The following TMEM63A variants were observed in gnomAD, a reference collection of about 807,000 sequenced individuals.
TMEM63A encodes the protein mechanosensitive cation channel TMEM63A.
In TMEM63A, 76 loss-of-function variants were observed where a neutral mutation model predicts 100.6. The observed-to-expected ratio is 0.76, with a 90% CI of 0.63 to 0.91. The LOEUF is 0.91. Among genes scored for constraint, TMEM63A ranks in the 40% least tolerant of loss-of-function variants. The pLI, the probability that TMEM63A is intolerant of heterozygous loss-of-function variation, is 0.00. For missense variants in TMEM63A, 876 were observed against 1,008.8 expected (o/e 0.87, Z 1.78); for synonymous variants, 401 against 401.1 (o/e 1.00, Z 0.00).
chr1:225,858,469 C>T lies in TMEM63A; in HGVS notation c.1377+727G>A, dbSNP rs373080688. Reference sequence around the variant, plus strand: ...CCTCCTGACTATCTGGGATTATAAGCGCCCACCAACACGCCCAGCTAATTT... The same window carrying T: ...CCTCCTGACTATCTGGGATTATAAGTGCCCACCAACACGCCCAGCTAATTT... On this transcript the variant is annotated intron_variant, in intron 15 of 24. Coordinates refer to ENST00000366835, the MANE Select transcript of TMEM63A (RefSeq NM_014698.3). Among the ~76,000 whole-genome samples the T allele has an allele frequency of 7.2e-5, 11 of 151,968 alleles. No individual in the cohort carries two copies. The East Asian group carries it at 1.7e-3, about 24-fold the overall frequency.
chr1:225,867,246 G>A lies in TMEM63A; in HGVS notation c.515-83C>T. The A allele has an allele frequency of 7.2e-7, 1 of 1,384,470 alleles. No individual in the cohort carries two copies. Among genetic ancestry groups the A allele is most frequent in the Admixed American group, 1.7e-5 (1 of 59,734 alleles). The allele number at this position is 1,384,470 out of a possible 1,614,324, so 85.8% of individuals were successfully genotyped here. On this transcript the variant is annotated intron_variant, in intron 7 of 24. Coordinates refer to ENST00000366835, the MANE Select transcript of TMEM63A (RefSeq NM_014698.3). The surrounding 1 kb of genome is among the most constrained non-coding windows in gnomAD (Gnocchi z 4.6). ...TAACCAATCAGCCTTGGTTTGTGGAGCTCTGGGGAGGAGGAGCATGTCTGG... is the reference window on the plus strand; with the variant it reads ...TAACCAATCAGCCTTGGTTTGTGGAACTCTGGGGAGGAGGAGCATGTCTGG...
At position 225,856,617 on chromosome 1, in the gene TMEM63A, A is replaced by G. The variant is rs768030421; in HGVS notation, c.1571+35T>C. The G allele has an allele frequency of 3.1e-6, 5 of 1,607,144 alleles. No individual in the cohort carries two copies. In the South Asian group the frequency reaches 5.5e-5, roughly 18 times the overall value. On this transcript the variant is annotated intron_variant, in intron 17 of 24. Coordinates refer to ENST00000366835, the MANE Select transcript of TMEM63A (RefSeq NM_014698.3). ...ACAGTGCTCTCCTGATGTGACTCTTATTCTGAATTTAGAGCAGAAGGTGGT... is the reference window on the plus strand; with the variant it reads ...ACAGTGCTCTCCTGATGTGACTCTTGTTCTGAATTTAGAGCAGAAGGTGGT...
chr1:225,840,801 AC>A (rs1353123948), downstream of TMEM63A: 1 of 152,422 alleles, frequency 6.6e-6, no homozygotes, highest in African/African-American at 2.4e-5. Context: ...TGTCCAGAAG[AC>A]ACCCAGGAAT....
rs558624523 is a variant in TMEM63A at position 225,867,045 on chromosome 1, G to A, written c.566+67C>T. On this transcript the variant is annotated intron_variant, in intron 8 of 24. Coordinates refer to ENST00000366835, the MANE Select transcript of TMEM63A (RefSeq NM_014698.3). The surrounding 1 kb of genome is among the most constrained non-coding windows in gnomAD (Gnocchi z 4.6). Reference sequence around the variant, plus strand: ...CTTTGGAGTACCTCTGGCCTGCCCCGGGCTCCTGACCTGCCTTCTCCTTGA... The same window carrying A: ...CTTTGGAGTACCTCTGGCCTGCCCCAGGCTCCTGACCTGCCTTCTCCTTGA... 114 of 1,566,916 alleles carry A rather than the reference G, an allele frequency of 7.3e-5. No homozygotes were observed. Among genetic ancestry groups the A allele is most frequent in the African/African-American group, 3.8e-4 (28 of 73,780 alleles).
chr1:225,862,851 C>A lies in TMEM63A; in HGVS notation c.747G>T (p.Arg249=), dbSNP rs935974224. Residue 249 remains arginine (R), a splice_region_variant and synonymous_variant, in exon 11 of 25, where the codon CGG becomes CGT. Coordinates refer to ENST00000366835, the MANE Select transcript of TMEM63A (RefSeq NM_014698.3). This position sits in a 1 kb window ranked among gnomAD's most constrained non-coding sequence, Gnocchi z 5.1. ...CCACCTCACACGTGGGATACGCGTC[C>A]CTGTGGCCAGGGAGAGAAGGAGGCA... ...ARKETVESHF[R]DAYPTCEVVD... 3 of 1,613,710 alleles carry A rather than the reference C, an allele frequency of 1.9e-6. No homozygotes were observed. The highest frequency in any genetic ancestry group is 2.5e-6 in the Non-Finnish European group (3 of 1,179,938).
At chr1:225,869,384 T>C (rs1670378429) in intron 6 of TMEM63A, among the ~76,000 whole-genome samples, 1 of 152,244 alleles carries the variant, frequency 6.6e-6, no homozygotes, top group South Asian at 2.1e-4. Flanking sequence ...CTAACTCGCC[T>C]CCTGCTTCCT....
intron 22 of TMEM63A, 121 bp downstream of exon 22, chr1:225,848,776 G>T: frequency 1.1e-6 from 1 of 921,340 alleles, no homozygotes; most frequent in Non-Finnish European, 1.7e-6. Context: ...TGGAGAAGCA[G>T]AATCTGGAGA....
rs376485814 is a variant in TMEM63A, at chr1:225,850,063, C to G, written c.1920G>C (p.Leu640=). 69 of 1,614,040 alleles carry G rather than the reference C, an allele frequency of 4.3e-5. 1 individual carries two copies. The highest frequency in any genetic ancestry group is 3.3e-4 in the East Asian group (15 of 44,888). The stretch of plus-strand genomic sequence containing the variant: ...TGTGCCGGTCCACCATGTGCTTGAG[C>G]AGGATGTAGATGAGGCCTGCAGGGG... The part of the protein sequence containing the change: ...IIAPFGLIYI[L]LKHMVDRHNL... Residue 640 remains leucine, a synonymous_variant, in exon 21 of 25, where the codon CTG becomes CTC. Coordinates refer to ENST00000366835, the MANE Select transcript of TMEM63A (RefSeq NM_014698.3).
Position 225,862,621 on chromosome 1 carries a change from C to T in TMEM63A, c.828-43G>A. The T allele has an allele frequency of 1.2e-6, 2 of 1,603,658 alleles. No homozygotes were observed. The highest frequency in any genetic ancestry group is 2.2e-5 in the East Asian group (1 of 44,660). On this transcript the variant is annotated intron_variant, in intron 11 of 24. Coordinates refer to ENST00000366835, the MANE Select transcript of TMEM63A (RefSeq NM_014698.3). The surrounding 1 kb of genome is among the most constrained non-coding windows in gnomAD (Gnocchi z 5.1). The stretch of plus-strand genomic sequence containing the variant: ...GGGGCACAAACCTCAGATTTAGAAT[C>T]CTGTGGCAGGGACCCCCATACCCAC...
At chr1:225,859,647 C>A in intron 14 of TMEM63A, 2 of 335,758 alleles carry the variant, frequency 6.0e-6, no homozygotes, top group Non-Finnish European at 1.1e-5. Flanking sequence ...TTTTCTTTTT[C>A]TGTTTTTTTT....
Position 225,867,119 on chromosome 1 carries a change from G to A in TMEM63A, c.559C>T (p.Gln187Ter). Residue 187 changes from glutamine (Q) to a stop codon, truncating the protein, a stop_gained, in exon 8 of 25, where the codon CAG becomes TAG. Coordinates refer to ENST00000366835, the MANE Select transcript of TMEM63A (RefSeq NM_014698.3). LOFTEE classifies it high-confidence loss of function. The surrounding 1 kb of genome is among the most constrained non-coding windows in gnomAD (Gnocchi z 4.6). ...SFGRTTIANL[Q>*]TDNDLLWLHT... ...CACGGGCTCCATACTCACTCAGTCT[G>A]TAGGTTTGCTATTGTTGTCCTCCCA... 1.2e-6 allele frequency: 2 copies of A among 1,614,122 alleles called. No homozygotes were observed. Among genetic ancestry groups the A allele is most frequent in the Non-Finnish European group, 1.7e-6 (2 of 1,180,024 alleles).
chr1:225,848,040 C>T (rs1400486657), intron 23 of TMEM63A, among the ~76,000 whole-genome samples: 2 of 152,210 alleles, frequency 1.3e-5, no homozygotes, highest in Admixed American at 1.3e-4. Context: ...ACCATGGGGT[C>T]TTCCTCTGAA....
At position 225,862,935 on chromosome 1, in the gene TMEM63A, G is replaced by A; in HGVS notation, c.747-84C>T. 7.7e-7 allele frequency: 1 copy of A among 1,294,272 alleles called. No homozygotes were observed. The highest frequency in any genetic ancestry group is 1.1e-6 in the Non-Finnish European group (1 of 909,612). The allele number at this position is 1,294,272 out of a possible 1,614,324, so 80.2% of individuals were successfully genotyped here. ...AGGAGACGTGCCCACGGATCCAAGGGAAAGGATGGCAGAGTGATCTCGCTG... is the reference window on the plus strand; with the variant it reads ...AGGAGACGTGCCCACGGATCCAAGGAAAAGGATGGCAGAGTGATCTCGCTG... On this transcript the variant is annotated intron_variant, in intron 10 of 24. Coordinates refer to ENST00000366835, the MANE Select transcript of TMEM63A (RefSeq NM_014698.3). This position sits in a 1 kb window ranked among gnomAD's most constrained non-coding sequence, Gnocchi z 5.1.
rs75918416 is a variant in TMEM63A at position 225,860,767 on chromosome 1, TG to T, written c.1223+92del. ...ATTGCAGATGTGTGGAGATCTCCAT[TG>T]ACTGCCAGGTCACACCTGTGCTCCA... On this transcript the variant is annotated intron_variant, in intron 14 of 24. Transcript: ENST00000366835. 23,754 of 1,423,680 alleles carry T rather than the reference TG, an allele frequency of 0.017. 2,191 individuals carry two copies. In the African/African-American group the frequency reaches 0.24, roughly 14 times the overall value. 88.2% of individuals were successfully genotyped at this position (1,423,680 alleles called of 1,614,324 possible). A position where few individuals can be genotyped will look rare whatever the true frequency, so the allele number is the denominator to read the frequency against.
chr1:225,872,286 G>T (rs558328941), intron 4 of TMEM63A, among the ~76,000 whole-genome samples: 1 of 152,160 alleles, frequency 6.6e-6, no homozygotes, highest in Non-Finnish European at 1.5e-5. Flanking sequence ...TGAATAGCAA[G>T]GGGTCAACAC....
rs1222582443 is a variant in TMEM63A at position 225,865,946 on chromosome 1, T to G, written c.697A>C (p.Thr233Pro). The G allele has an allele frequency of 6.2e-7, 1 of 1,613,918 alleles. No homozygotes were observed. Among genetic ancestry groups the G allele is most frequent in the Non-Finnish European group, 8.5e-7 (1 of 1,179,908 alleles). ...ENLVRRTLFI[T>P]GLPRDARKET... ...TTCCTGGCATCTCTGGGGAGTCCTG[T>G]GATGAACAGGGTCCGCCTCACCTGT... The change falls in exon 10 of 25, where the codon ACA (threonine) becomes CCA (proline). Residue 233 changes from threonine (T) to proline (P), a missense_variant. Thr to Pro is a conservative substitution (Grantham distance 38). This residue lies in a region of TMEM63A where 487 missense variants were observed against 581.9 expected (regional missense o/e 0.84). Transcript: ENST00000366835. This position sits in a 1 kb window ranked among gnomAD's most constrained non-coding sequence, Gnocchi z 4.6.
chr1:225,861,875 G>T, intron 13 of TMEM63A: 1 of 314,472 alleles, frequency 3.2e-6, no homozygotes, highest in Non-Finnish European at 6.1e-6. Flanking sequence ...AAAGGAGGGT[G>T]CCTCCATCTC....
rs2102811326 is a variant in TMEM63A, at chr1:225,848,505, G to C, written c.2237C>G (p.Pro746Arg). ...DKGSEAEAHM[P>R]PPFTPYVPRI... The stretch of plus-strand genomic sequence containing the variant: ...GGCACAGCTTACTGTGAACGGTGGG[G>C]GCATGTGGGCCTCTGCCTCACTTCC... Residue 746 changes from proline (P) to arginine (R), a missense_variant, in exon 23 of 25, where the codon CCC becomes CGC. Pro to Arg is a moderately radical substitution (Grantham distance 103). This residue lies in a region of TMEM63A where 339 missense variants were observed against 342.3 expected (regional missense o/e 0.99). Coordinates refer to ENST00000366835, the MANE Select transcript of TMEM63A (RefSeq NM_014698.3). 2 of 1,614,144 alleles carry C rather than the reference G, an allele frequency of 1.2e-6. No homozygotes were observed. The highest frequency in any genetic ancestry group is 2.2e-5 in the South Asian group (2 of 91,090).
Position 225,852,652 on chromosome 1 carries a change from A to T in TMEM63A, c.1903+12T>A, listed in dbSNP as rs1669406645. The T allele has an allele frequency of 1.2e-6, 2 of 1,611,970 alleles. No individual in the cohort carries two copies. Among genetic ancestry groups the T allele is most frequent in the Admixed American group, 1.7e-5 (1 of 59,994 alleles). Reference sequence around the variant, plus strand: ...ACCCATGTACCCTGGGACAGGCTCCAGGGCCACTCACCAAATGGCGCGATG... The same window carrying T: ...ACCCATGTACCCTGGGACAGGCTCCTGGGCCACTCACCAAATGGCGCGATG... On this transcript the variant is annotated intron_variant, in intron 20 of 24. Transcript: ENST00000366835.
Sources: allele counts gnomAD v4.1 joint callset (sites outside exome capture counted in the v4.1 genomes callset), GRCh38; gene constraint gnomAD v4.1.1; regional missense constraint gnomAD v4.1.1; non-coding constraint Gnocchi (gnomAD v3.1); transcripts MANE v1.5; gene names NCBI Gene and HGNC (gene_info 2026-07-23, HGNC 2026-07-21).